Variants in CTBP2 observed in about 807,000 individuals in gnomAD.
The protein encoded by CTBP2 is C-terminal binding protein 2, also known as C-terminal-binding protein 2.
In CTBP2, 30 loss-of-function variants were observed where a neutral mutation model predicts 80.3. The observed-to-expected ratio is 0.37, with a 90% CI of 0.28 to 0.51. The LOEUF (loss-of-function observed/expected upper bound fraction) is 0.51. Among genes scored for constraint, CTBP2 ranks in the 20% least tolerant of loss-of-function variants. The pLI is 0.93. For synonymous variants in CTBP2, 594 were observed against 587.4 expected (o/e 1.01, Z -0.16); for missense variants, 1,212 against 1,375.3 (o/e 0.88, Z 1.88).
chr10:125,061,468 G>A (rs907633428), intron 2 of CTBP2, among the ~76,000 whole-genome samples: 2 of 152,194 alleles, frequency 1.3e-5, no homozygotes, highest in Non-Finnish European at 2.9e-5. Context: ...TACAGGCCCT[G>A]CAGCGCCAGG....
chr10:124,994,063 G>T, intron 5 of CTBP2, 78 bp from the exon 8 acceptor site: 1 of 1,571,962 alleles, frequency 6.4e-7, no homozygotes, highest in East Asian at 2.2e-5. Context: ...AAAGAAGAAA[G>T]CTGCAAGCTA....
At chr10:125,149,133 G>C (rs1051225709) in intron 1 of CTBP2, among the ~76,000 whole-genome samples, 1 of 152,140 alleles carries the variant, frequency 6.6e-6, no homozygotes, top group Non-Finnish European at 1.5e-5. Context: ...CAGGACAGGG[G>C]ACACACCATA....
Position 125,112,791 on chromosome 10 carries a change from T to A in CTBP2, c.-205-1698A>T, listed in dbSNP as rs115815170. 3.1e-3 allele frequency among the ~76,000 whole-genome samples: 466 copies of A among 152,348 alleles called. 7 individuals are homozygous for A. Among genetic ancestry groups the A allele is most frequent in the African/African-American group, 0.011 (446 of 41,580 alleles). The stretch of plus-strand genomic sequence containing the variant: ...TAGATACCTAAAAGAACTTCCCCTC[T>A]TTTAATGGGGCTTTTAATTAGCAAT... On this transcript the variant is annotated intron_variant, in intron 1 of 10. Transcript: ENST00000337195.
intron 1 of CTBP2, among the ~76,000 whole-genome samples, chr10:125,120,882 C>G (rs1236293014): frequency 6.6e-6 from 1 of 152,242 alleles, no homozygotes; most frequent in African/African-American, 2.4e-5. Context: ...ATGTGCAATA[C>G]TGACTGGGAA....
intron 1 of CTBP2, among the ~76,000 whole-genome samples, chr10:125,023,938 G>A (rs575622988): frequency 6.6e-5 from 10 of 152,358 alleles, no homozygotes; most frequent in Non-Finnish European, 8.8e-5. Context: ...CGATGGGAGG[G>A]AAGCACTTGA....
chr10:125,047,427 G>T (rs897145838), intron 2 of CTBP2, among the ~76,000 whole-genome samples: 4 of 152,352 alleles, frequency 2.6e-5, no homozygotes, highest in African/African-American at 9.6e-5. Flanking sequence ...TGCAAGAAAT[G>T]ATTCCAGAAT....
chr10:125,014,243 C>G (rs1291633540), intron 1 of CTBP2, among the ~76,000 whole-genome samples: 1 of 152,220 alleles, frequency 6.6e-6, no homozygotes, highest in Non-Finnish European at 1.5e-5. Context: ...ATTCATGGCC[C>G]CGGTGATAAG....
chr10:124,994,127 G>A, intron 5 of CTBP2, 142 bp from the exon 8 acceptor site: 1 of 1,164,726 alleles, frequency 8.6e-7, no homozygotes, highest in Non-Finnish European at 1.2e-6. Context: ...GGAAGGGAGT[G>A]GGAAGTGTTG....
chr10:125,005,003 C>G (rs1044334475), intron 1 of CTBP2, among the ~76,000 whole-genome samples: 4 of 152,210 alleles, frequency 2.6e-5, no homozygotes, highest in Non-Finnish European at 5.9e-5. Flanking sequence ...CACGGGGGGG[C>G]TCCTGCTGGA....
intron 2 of CTBP2, 55 bp downstream of exon 4, chr10:125,003,283 G>A: frequency 6.3e-7 from 1 of 1,593,024 alleles, no homozygotes; most frequent in Non-Finnish European, 8.5e-7. Context: ...GGGGGATGCT[G>A]GGGAGGAAAC....
At chr10:125,155,962 C>T (rs189184170) in intron 1 of CTBP2, among the ~76,000 whole-genome samples, 1 of 152,334 alleles carries the variant, frequency 6.6e-6, no homozygotes, top group East Asian at 1.9e-4. Context: ...GGTAAGTTCA[C>T]ACAAGCATTC....
chr10:125,092,863 C>T (rs1485732160), intron 2 of CTBP2, among the ~76,000 whole-genome samples: 1 of 152,166 alleles, frequency 6.6e-6, no homozygotes, highest in Non-Finnish European at 1.5e-5. Flanking sequence ...GTGAGATGTT[C>T]ACACAAAGCA....
At chr10:125,070,908 G>T (rs766725495) in intron 2 of CTBP2, among the ~76,000 whole-genome samples, 57 of 152,168 alleles carry the variant, frequency 3.7e-4, no homozygotes, top group Non-Finnish European at 7.9e-4. Context: ...AGGATTACGG[G>T]TGCGAGCCAC....
At chr10:125,136,763 TTA>T (rs1406446744) in intron 1 of CTBP2, among the ~76,000 whole-genome samples, 2 of 152,300 alleles carry the variant, frequency 1.3e-5, no homozygotes, top group African/African-American at 4.8e-5. Flanking sequence ...CAGTTGACAG[TTA>T]CAAGACACCG....
chr10:125,004,797 G>C (rs1416692323), intron 1 of CTBP2, among the ~76,000 whole-genome samples: 1 of 152,180 alleles, frequency 6.6e-6, no homozygotes, highest in African/African-American at 2.4e-5. Flanking sequence ...AACCCAACCA[G>C]GAAGGTGTGA....
At chr10:125,083,467 G>A (rs896222561) in intron 2 of CTBP2, among the ~76,000 whole-genome samples, 32 of 152,310 alleles carry the variant, frequency 2.1e-4, no homozygotes, top group African/African-American at 7.5e-4. Context: ...CGACCTGGGC[G>A]AGGATACCGC....
At chr10:125,025,141 T>G (rs1174270534) in intron 1 of CTBP2, among the ~76,000 whole-genome samples, 1 of 127,538 alleles carries the variant, frequency 7.8e-6, no homozygotes, top group African/African-American at 2.8e-5. Context: ...CACAAGCTAT[T>G]CAGGAAAAAA....
intron 1 of CTBP2, among the ~76,000 whole-genome samples, chr10:125,127,390 C>T (rs755361606): frequency 5.3e-4 from 80 of 152,192 alleles, no homozygotes; most frequent in Non-Finnish European, 9.1e-4. Flanking sequence ...GGCAGGTCAC[C>T]GGGGCTAGCC....
intron 1 of CTBP2, among the ~76,000 whole-genome samples, chr10:125,114,023 T>C (rs139923551): frequency 2.1e-3 from 313 of 152,346 alleles, no homozygotes; most frequent in African/African-American, 7.2e-3. Context: ...TCAAAAATAC[T>C]TGTTTCAGCA....
Sources: allele counts gnomAD v4.1 joint callset (sites outside exome capture counted in the v4.1 genomes callset), GRCh38; gene constraint gnomAD v4.1.1; transcripts MANE v1.5; gene names NCBI Gene and HGNC (gene_info 2026-07-23, HGNC 2026-07-21).